CDON: variants seen among roughly 807,000 people sequenced by gnomAD.
CDON encodes the protein cell adhesion associated, oncogene regulated.
Under a neutral mutation model 120.9 loss-of-function variants are expected in CDON, and 73 were observed. The observed-to-expected ratio is 0.60, with a 90% CI of 0.50 to 0.73. The LOEUF is 0.73. Ranked by LOEUF, CDON falls within the 30% of genes least tolerant of loss-of-function variation. CDON has a pLI of 0.00. For missense variants in CDON, 1,470 were observed against 1,587.3 expected (o/e 0.93, Z 1.26); for synonymous variants, 566 against 573.5 (o/e 0.99, Z 0.19).
intron 18 of CDON, among the ~76,000 whole-genome samples, chr11:125,964,514 T>G (rs1439268546): frequency 1.3e-5 from 2 of 151,940 alleles, no homozygotes; most frequent in Non-Finnish European, 2.9e-5. Context: ...GAAAACATCT[T>G]CCAGAAACTC....
rs759727870 is a variant in CDON, at chr11:126,015,529, A to T, written c.929-19T>A. The T allele has an allele frequency of 1.2e-6, 2 of 1,612,638 alleles. No homozygotes were observed. Among genetic ancestry groups the T allele is most frequent in the Non-Finnish European group, 1.7e-6 (2 of 1,178,978 alleles). On this transcript the variant is annotated intron_variant, in intron 6 of 19. Coordinates refer to ENST00000531738, the MANE Select transcript of CDON (RefSeq NM_001378964.1). The stretch of plus-strand genomic sequence containing the variant: ...GCATGTTCTGAAAATAAAACACACA[A>T]ATTAAACTCTAGCCCTCAAAATGTA...
At chr11:126,032,747 C>CTA (rs1947976604) in intron 1 of CDON, among the ~76,000 whole-genome samples, 1 of 152,176 alleles carries the variant, frequency 6.6e-6, no homozygotes, top group Non-Finnish European at 1.5e-5. Context: ...TGGCATACAC[C>CTA]TATAATCCCA....
intron 11 of CDON, among the ~76,000 whole-genome samples, chr11:126,000,108 G>A (rs1286390769): frequency 1.3e-5 from 2 of 152,146 alleles, no homozygotes; most frequent in Non-Finnish European, 2.9e-5. Context: ...AACACCAAGG[G>A]TATAATCTCG....
chr11:126,059,492 C>T (rs1306800291), intron 1 of CDON, among the ~76,000 whole-genome samples: 1 of 150,598 alleles, frequency 6.6e-6, no homozygotes. Context: ...CCCCCCTGCC[C>T]GCATCCCCCC....
At position 125,959,456 on chromosome 11, in the gene CDON, T is replaced by C. The variant is rs929750486; in HGVS notation, c.*1486A>G. On this transcript the variant is annotated 3_prime_UTR_variant, in exon 20 of 20. Coordinates refer to ENST00000531738, the MANE Select transcript of CDON (RefSeq NM_001378964.1). ...TATTGTTTTTTAATGTGAAGAGCCTTCCAAAGGCAGCTGCAAATGTCCTTG... is the reference window on the plus strand; with the variant it reads ...TATTGTTTTTTAATGTGAAGAGCCTCCCAAAGGCAGCTGCAAATGTCCTTG... 1.3e-5 allele frequency: 2 copies of C among 152,132 alleles called. No homozygotes were observed. The highest frequency in any genetic ancestry group is 4.8e-5 in the African/African-American group (2 of 41,418). 9.4% of individuals were successfully genotyped at this position (152,132 alleles called of 1,614,324 possible). A position where few individuals can be genotyped will look rare whatever the true frequency, so the allele number is the denominator to read the frequency against.
chr11:125,982,610 T>C (rs531542307), intron 16 of CDON, among the ~76,000 whole-genome samples: 1 of 152,334 alleles, frequency 6.6e-6, no homozygotes, highest in South Asian at 2.1e-4. Context: ...ATCTCCACTG[T>C]CCAGAACAGT....
At chr11:125,974,450 A>G (rs1035942577) in intron 18 of CDON, among the ~76,000 whole-genome samples, 1 of 124,088 alleles carries the variant, frequency 8.1e-6, no homozygotes, top group Non-Finnish European at 1.7e-5. Context: ...TTTCTTTTTT[A>G]CTCTCCTTAT....
rs1239820423 is a variant in CDON, at chr11:126,048,282, C to CA, written c.-62+14296dup. 2.4e-3 allele frequency among the ~76,000 whole-genome samples: 284 copies of CA among 119,440 alleles called. 3 individuals are homozygous for CA. Among genetic ancestry groups the CA allele is most frequent in the Middle Eastern group, 9.7e-3 (2 of 206 alleles). The allele number at this position is 119,440 out of a possible 152,430, so 78.4% of individuals were successfully genotyped here. A position where few individuals can be genotyped will look rare whatever the true frequency, so the allele number is the denominator to read the frequency against. On this transcript the variant is annotated intron_variant, in intron 1 of 19. Transcript: ENST00000531738. ...TGTGCAACAGAGTGAGACTCTGTCT[C>CA]AAAAAAAAAAAAAAGAAAAGAAATG...
chr11:126,024,142 A>G (rs1591399018), intron 1 of CDON, among the ~76,000 whole-genome samples: 1 of 152,232 alleles, frequency 6.6e-6, no homozygotes, highest in East Asian at 1.9e-4. Context: ...AGCCAAGAAA[A>G]GGATAGTAAT....
chr11:125,961,800 A>C lies in CDON; in HGVS notation c.3555T>G (p.Thr1185=). 6.2e-7 allele frequency: 1 copy of C among 1,614,166 alleles called. No individual in the cohort carries two copies. Among genetic ancestry groups the C allele is most frequent in the Non-Finnish European group, 8.5e-7 (1 of 1,180,020 alleles). The change falls in exon 19 of 20, where the codon ACT becomes ACG. Residue 1185 remains threonine, a synonymous_variant. Coordinates refer to ENST00000531738, the MANE Select transcript of CDON (RefSeq NM_001378964.1). ...CAATGTCCTGACAGCAGGTACGCTG[A>C]GTAGGGACTGGTTCCACATTGTCCT... ...SVKDNVEPVP[T]QRTCCQDIVN...
intron 1 of CDON, among the ~76,000 whole-genome samples, chr11:126,047,122 C>T (rs561853889): frequency 2.6e-5 from 4 of 152,162 alleles, no homozygotes; most frequent in African/African-American, 9.6e-5. Context: ...TTTAGCTATC[C>T]CTTGCTTCAT....
chr11:125,975,933 C>T (rs761044265), intron 18 of CDON, among the ~76,000 whole-genome samples: 70 of 152,262 alleles, frequency 4.6e-4, no homozygotes, highest in Non-Finnish European at 6.5e-4. Flanking sequence ...AGCCAAAAAT[C>T]ATATGAGGCC....
At position 125,983,874 on chromosome 11, in the gene CDON, T is replaced by C. The variant is rs1289177976; in HGVS notation, c.2993A>G (p.Gln998Arg). 8.1e-6 allele frequency: 13 copies of C among 1,610,374 alleles called. No homozygotes were observed. The highest frequency in any genetic ancestry group is 1.0e-5 in the Non-Finnish European group (12 of 1,176,886). ...GGAGATATTTATGAGTGACTTACTT[T>C]GTATGGTATTCTGCTGGCGATTCTT... is the stretch of plus-strand genomic sequence containing the variant. ...LWKNRQQNTI[Q>R]KYDPPGYLYQ... Residue 998 changes from glutamine to arginine, a missense_variant and splice_region_variant, in exon 16 of 20, where the codon CAA (glutamine) becomes CGA (arginine). Gln to Arg is a conservative substitution (Grantham distance 43). Coordinates refer to ENST00000531738, the MANE Select transcript of CDON (RefSeq NM_001378964.1).
At chr11:126,037,317 C>G (rs890161624) in intron 1 of CDON, among the ~76,000 whole-genome samples, 3 of 152,048 alleles carry the variant, frequency 2.0e-5, no homozygotes, top group African/African-American at 7.2e-5. Context: ...CCAGGCTGGT[C>G]TTGAACTTCT....
chr11:125,979,135 A>C (rs912144157), intron 17 of CDON, among the ~76,000 whole-genome samples: 1 of 152,256 alleles, frequency 6.6e-6, no homozygotes, highest in Admixed American at 6.5e-5. Context: ...GAAGAAAAAC[A>C]GCAGAACTGA....
At chr11:125,996,904 T>C (rs923133802) in intron 12 of CDON, among the ~76,000 whole-genome samples, 3 of 152,150 alleles carry the variant, frequency 2.0e-5, no homozygotes, top group Admixed American at 2.0e-4. Flanking sequence ...CCAGGTGCTA[T>C]GGCTCACGCC....
In CDON at chr11:125,981,128, T is replaced by C; in HGVS notation, c.3197A>G (p.Asn1066Ser). The change falls in exon 17 of 20, where the codon AAT becomes AGT. Residue 1066 changes from asparagine (N) to serine (S), a missense_variant. By Grantham distance (46) the Asn-to-Ser change is conservative. Transcript: ENST00000531738. ...AVNGIVNGSL[N>S]GGLYSGHSNS... The stretch of plus-strand genomic sequence containing the variant: ...GCTGTGCCCGGAGTAAAGCCCTCCA[T>C]TTAGGCTCCCATTCACAATTCCATT... 9 of 1,614,164 alleles carry C rather than the reference T, an allele frequency of 5.6e-6. No homozygotes were observed. The highest frequency in any genetic ancestry group is 7.6e-6 in the Non-Finnish European group (9 of 1,180,024).
chr11:125,994,177 A>G, intron 14 of CDON, 107 bp downstream of exon 14: 1 of 729,490 alleles, frequency 1.4e-6, no homozygotes, highest in East Asian at 2.6e-5. Context: ...TAACACATAC[A>G]CCATTCCATT....
Position 125,960,633 on chromosome 11 carries a change from G to C in CDON, c.*309C>G. 2.8e-6 allele frequency: 1 copy of C among 358,552 alleles called. No homozygotes were observed. Among genetic ancestry groups the C allele is most frequent in the South Asian group, 3.0e-5 (1 of 32,802 alleles). 22.2% of individuals were successfully genotyped at this position (358,552 alleles called of 1,614,324 possible). ...AGAGATGGGATCCTTTGCATGAGGA[G>C]CTCTTGCTGTCACTATAGCTGTTAG... On this transcript the variant is annotated 3_prime_UTR_variant, in exon 20 of 20. Transcript: ENST00000531738.
Sources: gnomAD v4.1 joint callset for allele counts (sites outside exome capture counted in the v4.1 genomes callset) on GRCh38, gnomAD v4.1.1 for gene constraint, MANE v1.5 for transcripts, NCBI Gene and HGNC (gene_info 2026-07-23, HGNC 2026-07-21) for gene names.